PITPNC1: variants seen among roughly 807,000 people sequenced by gnomAD.
PITPNC1 encodes phosphatidylinositol transfer protein cytoplasmic 1.
A neutral mutation model predicts 44.7 loss-of-function variants in PITPNC1; 18 were observed. The ratio of observed to expected loss-of-function variants is 0.40; its 90% CI spans 0.28 to 0.60. PITPNC1 has a LOEUF of 0.60. Ranked by LOEUF, PITPNC1 falls within the 20% of genes least tolerant of loss-of-function variation. The pLI, the probability that PITPNC1 is intolerant of heterozygous loss-of-function variation, is 0.39. For missense variants in PITPNC1, 290 were observed against 418.4 expected (o/e 0.69, Z 2.68); for synonymous variants, 141 against 149.6 (o/e 0.94, Z 0.42).
intron 1 of PITPNC1, among the ~76,000 whole-genome samples, chr17:67,407,695 C>T (rs886157617): frequency 1.3e-5 from 2 of 151,400 alleles, no homozygotes; most frequent in African/African-American, 4.9e-5. Flanking sequence ...GAGGCTGAGG[C>T]ATCAACCTGA....
chr17:67,479,850 T>G (rs1429945740), intron 1 of PITPNC1, among the ~76,000 whole-genome samples: 2 of 152,226 alleles, frequency 1.3e-5, no homozygotes, highest in Non-Finnish European at 2.9e-5. Flanking sequence ...CAATGTTCAT[T>G]TCTATTTCAA....
intron 1 of PITPNC1, among the ~76,000 whole-genome samples, chr17:67,393,516 C>T (rs965637751): frequency 6.6e-6 from 1 of 152,056 alleles, no homozygotes; most frequent in Non-Finnish European, 1.5e-5. Flanking sequence ...CTGAATTCTG[C>T]CCTCTGTCAA....
intron 1 of PITPNC1, among the ~76,000 whole-genome samples, chr17:67,429,083 C>T (rs1050885317): frequency 3.3e-5 from 5 of 152,102 alleles, no homozygotes; most frequent in African/African-American, 1.2e-4. Flanking sequence ...TCAGGTGATC[C>T]ACCTGCCTTG....
chr17:67,590,793 A>C lies in PITPNC1; in HGVS notation c.366+12536A>C, dbSNP rs141257830. Among the ~76,000 whole-genome samples the C allele has an allele frequency of 6.1e-3, 935 of 152,262 alleles. 6 individuals carry two copies. The highest frequency in any genetic ancestry group is 0.01 in the Non-Finnish European group (708 of 68,020). On this transcript the variant is annotated intron_variant, in intron 5 of 8. Coordinates refer to ENST00000581322, the MANE Select transcript of PITPNC1 (RefSeq NM_012417.4). ...CGGTGAAACCCCATCTCTACTAAAA[A>C]TACAAAAAGATTAGCCGGGCGTGGT...
intron 1 of PITPNC1, among the ~76,000 whole-genome samples, chr17:67,415,390 C>G (rs939157460): frequency 1.3e-5 from 2 of 152,170 alleles, no homozygotes; most frequent in Non-Finnish European, 2.9e-5. Context: ...CCTAACAAGA[C>G]GCACGTCATC....
chr17:67,667,490 CAAAAA>C (rs71139168), intron 6 of PITPNC1, among the ~76,000 whole-genome samples: 1 of 107,642 alleles, frequency 9.3e-6, no homozygotes, highest in African/African-American at 3.4e-5. Context: ...GATCCTTTCT[CAAAAA>C]AAAAAAAAAA....
intron 5 of PITPNC1, among the ~76,000 whole-genome samples, chr17:67,620,550 C>T (rs1282085177): frequency 6.7e-6 from 1 of 149,136 alleles, no homozygotes; most frequent in African/African-American, 2.4e-5. Context: ...CGCCACCTCA[C>T]TGGGGACAGA....
intron 1 of PITPNC1, among the ~76,000 whole-genome samples, chr17:67,393,809 T>G (rs1367639305): frequency 6.6e-6 from 1 of 152,226 alleles, no homozygotes; most frequent in Non-Finnish European, 1.5e-5. Context: ...TTAGACCCCT[T>G]TTCTGAGTAA....
intron 1 of PITPNC1, among the ~76,000 whole-genome samples, chr17:67,422,340 C>G (rs943768058): frequency 2.0e-5 from 3 of 152,146 alleles, no homozygotes; most frequent in Non-Finnish European, 4.4e-5. Context: ...CCAATTTTGT[C>G]TTATTAGGCC....
intron 5 of PITPNC1, among the ~76,000 whole-genome samples, chr17:67,587,874 A>G (rs866985384): frequency 1.3e-5 from 2 of 152,170 alleles, no homozygotes; most frequent in African/African-American, 4.8e-5. Context: ...TTTGGAGAGA[A>G]ATGTTCTCTT....
intron 4 of PITPNC1, among the ~76,000 whole-genome samples, chr17:67,562,307 A>G (rs1334855812): frequency 6.6e-6 from 1 of 152,168 alleles, no homozygotes; most frequent in Non-Finnish European, 1.5e-5. Context: ...GTGCATTTCC[A>G]TGCTGTAGCT....
chr17:67,441,281 C>CA (rs577561841), intron 1 of PITPNC1, among the ~76,000 whole-genome samples: 15 of 149,562 alleles, frequency 1.0e-4, no homozygotes, highest in African/African-American at 3.5e-4. Context: ...TATTAAGCCC[C>CA]CCCCCGCCAC....
rs886333854 is a variant in PITPNC1 at position 67,459,113 on chromosome 17, CTTTTTTTTTTTTTTTT to C, written c.49-73683_49-73668del. The stretch of plus-strand genomic sequence containing the variant: ...CTTTGGGGCTTTTTTTTTTCTTTTT[CTTTTTTTTTTTTTTTT>C]TTTTTGAGACTGAGTTTTGCTCTTG... On this transcript the variant is annotated intron_variant, in intron 1 of 8. Coordinates refer to ENST00000581322, the MANE Select transcript of PITPNC1 (RefSeq NM_012417.4). 4.2e-5 allele frequency among the ~76,000 whole-genome samples: 4 copies of C among 95,716 alleles called. No homozygotes were observed. The South Asian group carries it at 1.4e-3, about 33-fold the overall frequency. 62.8% of individuals were successfully genotyped at this position (95,716 alleles called of 152,430 possible).
chr17:67,381,492 A>G (rs1240641866), intron 1 of PITPNC1, among the ~76,000 whole-genome samples: 8 of 138,910 alleles, frequency 5.8e-5, no homozygotes, highest in Non-Finnish European at 1.1e-4. Context: ...TTTGAGACGG[A>G]ATCTCCCTCT....
chr17:67,491,939 A>G (rs998557472), intron 1 of PITPNC1, among the ~76,000 whole-genome samples: 5 of 152,070 alleles, frequency 3.3e-5, no homozygotes, highest in African/African-American at 9.7e-5. Flanking sequence ...GGAGAAGCCA[A>G]AAACTGTGCT....
intron 1 of PITPNC1, among the ~76,000 whole-genome samples, chr17:67,424,199 A>G (rs530813161): frequency 2.6e-5 from 4 of 152,236 alleles, no homozygotes; most frequent in East Asian, 1.9e-4. Context: ...GTAGAAGCCA[A>G]TAGAGAAAGG....
At chr17:67,483,310 C>A (rs2039728973) in intron 1 of PITPNC1, among the ~76,000 whole-genome samples, 1 of 152,098 alleles carries the variant, frequency 6.6e-6, no homozygotes, top group African/African-American at 2.4e-5. Context: ...GTCATACTAC[C>A]CTAAAATGTC....
intron 1 of PITPNC1, among the ~76,000 whole-genome samples, chr17:67,490,568 T>G (rs2039851142): frequency 6.6e-6 from 1 of 152,088 alleles, no homozygotes; most frequent in South Asian, 2.1e-4. Context: ...TAATGAGCTT[T>G]GGGATGAAGA....
At position 67,597,573 on chromosome 17, in the gene PITPNC1, GA is replaced by G. The variant is rs766338124; in HGVS notation, c.366+19323del. 1.3e-5 allele frequency among the ~76,000 whole-genome samples: 2 copies of G among 151,980 alleles called. No homozygotes were observed. Among genetic ancestry groups the G allele is most frequent in the African/African-American group, 2.4e-5 (1 of 41,412 alleles). On this transcript the variant is annotated intron_variant, in intron 5 of 8. Coordinates refer to ENST00000581322, the MANE Select transcript of PITPNC1 (RefSeq NM_012417.4). This position sits in a 1 kb window ranked among gnomAD's most constrained non-coding sequence, Gnocchi z 4.0. ...ACTCCATCTCAACAAAAAAAGGAAA[GA>G]AAAAAACAGTTATCTTCCTCAATCC... is the stretch of plus-strand genomic sequence containing the variant.
Sources: gnomAD v4.1 joint callset for allele counts (sites outside exome capture counted in the v4.1 genomes callset) on GRCh38, gnomAD v4.1.1 for gene constraint, Gnocchi (gnomAD v3.1) non-coding constraint, MANE v1.5 for transcripts, NCBI Gene and HGNC (gene_info 2026-07-23, HGNC 2026-07-21) for gene names.